The following ATP10A variants were observed in gnomAD, a reference collection of about 807,000 sequenced individuals.
The protein encoded by ATP10A is phospholipid-transporting ATPase VA.
In ATP10A, 111 loss-of-function variants were observed where a neutral mutation model predicts 147.8. The observed-to-expected ratio is 0.75, with a 90% confidence interval of 0.64 to 0.88. ATP10A has a LOEUF of 0.88. Among genes scored for constraint, ATP10A ranks in the 40% least tolerant of loss-of-function variants. The probability of loss-of-function intolerance (pLI) is 0.00; values close to 1 mark genes in which losing one functional copy is unlikely to be tolerated. For synonymous variants in ATP10A, 875 were observed against 841.6 expected (o/e 1.04, Z -0.69); for missense variants, 1,927 against 1,959.0 (o/e 0.98, Z 0.31).
intron 1 of ATP10A, among the ~76,000 whole-genome samples, chr15:25,804,086 T>A: frequency 6.7e-6 from 1 of 149,080 alleles, no homozygotes; most frequent in South Asian, 2.1e-4. Context: ...GGTGTGTGTG[T>A]GTGTGTGTGT....
intron 2 of ATP10A, among the ~76,000 whole-genome samples, chr15:25,747,349 G>A (rs1219267960): frequency 6.6e-6 from 1 of 151,094 alleles, no homozygotes; most frequent in African/African-American, 2.4e-5. Context: ...AAGATTGTGG[G>A]ATATTGCTTG....
intron 1 of ATP10A, among the ~76,000 whole-genome samples, chr15:25,852,214 CCTCT>C (rs1468768528): frequency 1.3e-5 from 2 of 151,824 alleles, no homozygotes; most frequent in East Asian, 3.9e-4. Context: ...TGCCATCCTC[CCTCT>C]ATCCTCCCTC....
chr15:25,788,189 G>A (rs1040171375), intron 1 of ATP10A, among the ~76,000 whole-genome samples: 10 of 152,350 alleles, frequency 6.6e-5, no homozygotes, highest in African/African-American at 2.4e-4. Flanking sequence ...TGTAGGAGCA[G>A]CACTAAACAG....
intron 2 of ATP10A, among the ~76,000 whole-genome samples, chr15:25,737,529 T>A (rs1887353656): frequency 6.6e-6 from 1 of 152,140 alleles, no homozygotes; most frequent in Non-Finnish European, 1.5e-5. Flanking sequence ...CTACCAACAA[T>A]CCCATGCCCT....
chr15:25,777,077 G>A (rs1369086618), intron 2 of ATP10A, among the ~76,000 whole-genome samples: 5 of 142,958 alleles, frequency 3.5e-5, no homozygotes, highest in South Asian at 2.4e-4. Context: ...GTGTGTGCAT[G>A]CGTGTGTGTG....
intron 12 of ATP10A, 78 bp downstream of exon 12, chr15:25,707,898 A>T: frequency 6.4e-7 from 1 of 1,566,224 alleles, no homozygotes; most frequent in Non-Finnish European, 8.7e-7. Context: ...GCAGCCGCTG[A>T]CAAGAGCACT....
chr15:25,793,260 T>C (rs1048649776), intron 1 of ATP10A, among the ~76,000 whole-genome samples: 22 of 152,184 alleles, frequency 1.4e-4, no homozygotes, highest in Non-Finnish European at 1.9e-4. Context: ...AGCCTCCAGA[T>C]AGAAATGCAT....
chr15:25,718,398 C>T lies in ATP10A; in HGVS notation c.1365G>A (p.Ala455=), dbSNP rs142993802. ...CCTCTTGGTACCTGGCCAGACGCTGCGCTGCGGGGAGAGGGCGCAGGGTGA... is the reference window on the plus strand; with the variant it reads ...CCTCTTGGTACCTGGCCAGACGCTGTGCTGCGGGGAGAGGGCGCAGGGTGA... ...SGVEYSHDAN[A]QRLARYQEAD... Residue 455 remains alanine, a splice_region_variant and synonymous_variant, in exon 8 of 21, where the codon GCG becomes GCA. Transcript: ENST00000555815. 6 of 1,592,314 alleles carry T rather than the reference C, an allele frequency of 3.8e-6. No individual in the cohort carries two copies. The highest frequency in any genetic ancestry group is 2.3e-5 in the East Asian group (1 of 44,408).
chr15:25,756,237 T>C (rs1306014721), intron 2 of ATP10A, among the ~76,000 whole-genome samples: 2 of 152,192 alleles, frequency 1.3e-5, no homozygotes, highest in African/African-American at 4.8e-5. Context: ...TGAAGAATCT[T>C]GTCAGATCTG....
intron 2 of ATP10A, among the ~76,000 whole-genome samples, chr15:25,770,769 G>T (rs917068409): frequency 6.6e-5 from 10 of 152,158 alleles, no homozygotes; most frequent in African/African-American, 1.9e-4. Context: ...GCCCTGCAGG[G>T]CAAATGCACC....
At chr15:25,765,055 G>T (rs1013444024) in intron 2 of ATP10A, among the ~76,000 whole-genome samples, 1 of 152,148 alleles carries the variant, frequency 6.6e-6, no homozygotes, top group Admixed American at 6.5e-5. Context: ...GCTTCTAGAC[G>T]ATTTTCTCCT....
chr15:25,698,984 G>A (rs531002541), intron 13 of ATP10A, among the ~76,000 whole-genome samples: 5 of 152,254 alleles, frequency 3.3e-5, no homozygotes, highest in African/African-American at 1.2e-4. Flanking sequence ...TGTTTACAGA[G>A]TGGAAGATCA....
chr15:25,751,865 C>T (rs1284791326), intron 2 of ATP10A, among the ~76,000 whole-genome samples: 2 of 152,106 alleles, frequency 1.3e-5, no homozygotes, highest in Admixed American at 6.6e-5. Flanking sequence ...TCTGAATAAA[C>T]ATTGCTTAGA....
chr15:25,694,274 C>T (rs770638011), intron 14 of ATP10A, among the ~76,000 whole-genome samples: 2 of 152,260 alleles, frequency 1.3e-5, no homozygotes, highest in Non-Finnish European at 2.9e-5. Flanking sequence ...TGGTGTAAAA[C>T]TGAGCAGTGA....
At chr15:25,843,253 T>G (rs1892889111) in intron 1 of ATP10A, among the ~76,000 whole-genome samples, 1 of 105,704 alleles carries the variant, frequency 9.5e-6, no homozygotes, top group Admixed American at 1.4e-4. Context: ...TCCCGGGGTG[T>G]GATCTCGGCA....
chr15:25,764,446 G>C (rs922268667), intron 2 of ATP10A, among the ~76,000 whole-genome samples: 2 of 152,264 alleles, frequency 1.3e-5, no homozygotes, highest in African/African-American at 4.8e-5. Context: ...GGTGATTAGG[G>C]CATGAGGGTG....
chr15:25,856,487 C>T (rs982805316), intron 1 of ATP10A, among the ~76,000 whole-genome samples: 1 of 152,134 alleles, frequency 6.6e-6, no homozygotes, highest in African/African-American at 2.4e-5. Context: ...ATAGAGTTAG[C>T]GTTAGATGTT....
chr15:25,700,050 AAAC>A (rs1229829253), intron 13 of ATP10A, among the ~76,000 whole-genome samples: 3 of 152,340 alleles, frequency 2.0e-5, no homozygotes, highest in Admixed American at 2.0e-4. Context: ...AACATTAAGA[AAAC>A]AACTCAATTA....
chr15:25,732,331 G>A (rs897634508), intron 3 of ATP10A, among the ~76,000 whole-genome samples: 9 of 151,620 alleles, frequency 5.9e-5, no homozygotes, highest in Non-Finnish European at 7.4e-5. Flanking sequence ...TGCCTCCCCC[G>A]CTCAAGTGAT....
Sources: allele counts gnomAD v4.1 joint callset (sites outside exome capture counted in the v4.1 genomes callset), GRCh38; gene constraint gnomAD v4.1.1; transcripts MANE v1.5; gene names NCBI Gene and HGNC (gene_info 2026-07-23, HGNC 2026-07-21).